The following EDC3 variants were observed in gnomAD, a reference collection of about 807,000 sequenced individuals.
The protein encoded by EDC3 is enhancer of mRNA decapping 3.
A neutral mutation model predicts 41.8 loss-of-function variants in EDC3; 20 were observed. The observed-to-expected ratio is 0.48, with a 90% CI of 0.34 to 0.70. The LOEUF is 0.70. Ranked by LOEUF, EDC3 falls within the 30% of genes least tolerant of loss-of-function variation. The pLI, the probability that EDC3 is intolerant of heterozygous loss-of-function variation, is 0.01. For synonymous variants in EDC3, 206 were observed against 243.2 expected (o/e 0.85, Z 1.42); for missense variants, 444 against 636.8 (o/e 0.70, Z 3.26).
rs192155936 is a variant in EDC3 at position 74,687,569 on chromosome 15, G to T, written c.-19+8311C>A. ...ATTTTTGTATTTTTAGTAGAGATGG[G>T]GTTTCACCATGTTGGCCAGACTGAT... On this transcript the variant is annotated intron_variant, in intron 1 of 6. Transcript: ENST00000315127. Among the ~76,000 whole-genome samples, 428 of 152,164 alleles carry T rather than the reference G, an allele frequency of 2.8e-3. 1 individual carries two copies. Among genetic ancestry groups the T allele is most frequent in the Admixed American group, 5.6e-3 (86 of 15,258 alleles).
At chr15:74,678,715 C>T (rs1480162078) in intron 1 of EDC3, among the ~76,000 whole-genome samples, 1 of 151,656 alleles carries the variant, frequency 6.6e-6, no homozygotes, top group Non-Finnish European at 1.5e-5. Flanking sequence ...CATGGTGAAA[C>T]CCTGCCTCTA....
chr15:74,684,731 C>A (rs2062916433), intron 1 of EDC3, among the ~76,000 whole-genome samples: 1 of 152,030 alleles, frequency 6.6e-6, no homozygotes, highest in Non-Finnish European at 1.5e-5. Context: ...CATAAAAAGT[C>A]CTACTAGAAC....
At chr15:74,664,955 C>T (rs1253716847) in intron 3 of EDC3, among the ~76,000 whole-genome samples, 1 of 152,340 alleles carries the variant, frequency 6.6e-6, no homozygotes, top group Admixed American at 6.5e-5. Context: ...GAAATCAGCA[C>T]TAAACAGAGG....
At chr15:74,643,223 C>G (rs1195177776) in intron 4 of EDC3, 1 of 152,200 alleles carries the variant, frequency 6.6e-6, no homozygotes, top group Non-Finnish European at 1.5e-5. Context: ...CAAACAACAA[C>G]ACTGCCACTG....
intron 6 of EDC3, chr15:74,634,962 C>G (rs2062253432): frequency 2.4e-6 from 1 of 414,884 alleles, no homozygotes. Flanking sequence ...CCATCATGAC[C>G]TGACCCTGAA....
In EDC3 at chr15:74,681,539, T is replaced by C. The variant is rs1181250934; in HGVS notation, c.-18-6397A>G. ...TTATGATAATCAAGACTATATAGTA[T>C]TGGCAGAGGGACAAACATGTAAATC... On this transcript the variant is annotated intron_variant, in intron 1 of 6. Transcript: ENST00000315127. 1.3e-5 allele frequency among the ~76,000 whole-genome samples: 2 copies of C among 152,170 alleles called. 1 individual carries two copies. The highest frequency in any genetic ancestry group is 3.8e-4 in the East Asian group (2 of 5,198).
At chr15:74,672,681 G>T (rs568809650) in intron 2 of EDC3, among the ~76,000 whole-genome samples, 1 of 152,124 alleles carries the variant, frequency 6.6e-6, no homozygotes, top group Admixed American at 6.5e-5. Flanking sequence ...CGGGTGTGGT[G>T]GTACGCACCT....
At chr15:74,691,219 G>T (rs368896753) in intron 1 of EDC3, among the ~76,000 whole-genome samples, 1 of 151,684 alleles carries the variant, frequency 6.6e-6, no homozygotes, top group Non-Finnish European at 1.5e-5. Flanking sequence ...CCAGCACTAC[G>T]ACCTGGGCAA....
At chr15:74,652,486 C>G (rs371632979) in intron 4 of EDC3, among the ~76,000 whole-genome samples, 7 of 152,182 alleles carry the variant, frequency 4.6e-5, no homozygotes, top group Non-Finnish European at 7.3e-5. Flanking sequence ...CCTCAGCCCC[C>G]CAAAGTGCTG....
chr15:74,639,991 T>C (rs890434999), intron 5 of EDC3: 1 of 158,088 alleles, frequency 6.3e-6, no homozygotes, highest in Admixed American at 6.4e-5. Flanking sequence ...TCAGTCTGTC[T>C]ACAAATAAAA....
intron 4 of EDC3, among the ~76,000 whole-genome samples, chr15:74,653,596 T>G (rs1596311222): frequency 6.6e-6 from 1 of 152,194 alleles, no homozygotes; most frequent in South Asian, 2.1e-4. Context: ...CTGCTGGGCT[T>G]CTTTCCCCCT....
Position 74,635,633 on chromosome 15 carries a change from A to G in EDC3, c.975-7T>C. The G allele has an allele frequency of 6.2e-7, 1 of 1,611,018 alleles. No homozygotes were observed. The highest frequency in any genetic ancestry group is 1.1e-5 in the South Asian group (1 of 91,006). On this transcript the variant is annotated splice_polypyrimidine_tract_variant and splice_region_variant and intron_variant, in intron 5 of 6. Coordinates refer to ENST00000315127, the MANE Select transcript of EDC3 (RefSeq NM_025083.5). The stretch of plus-strand genomic sequence containing the variant: ...AACATTTTTGGGATTCAACCTGGAA[A>G]AGAAGGTGAAGAAGCAGTATCAGCT...
intron 3 of EDC3, among the ~76,000 whole-genome samples, chr15:74,667,792 A>C (rs929095100): frequency 6.6e-6 from 1 of 152,148 alleles, no homozygotes; most frequent in African/African-American, 2.4e-5. Flanking sequence ...GAAGAGAGGA[A>C]TCTCTGGCAT....
chr15:74,649,929 A>T (rs370079800), intron 4 of EDC3, among the ~76,000 whole-genome samples: 2 of 151,894 alleles, frequency 1.3e-5, no homozygotes, highest in East Asian at 3.9e-4. Flanking sequence ...TGATAACTTG[A>T]CTTGCTGCCA....
Position 74,655,728 on chromosome 15 carries a change from C to T in EDC3, c.820+5G>A. 1 of 1,598,072 alleles carries T rather than the reference C, an allele frequency of 6.3e-7. No homozygotes were observed. The highest frequency in any genetic ancestry group is 1.3e-5 in the African/African-American group (1 of 74,628). On this transcript the variant is annotated splice_donor_5th_base_variant and intron_variant, in intron 4 of 6. Coordinates refer to ENST00000315127, the MANE Select transcript of EDC3 (RefSeq NM_025083.5). ...CAGCAGGATGTGGGACCTGATGCAA[C>T]TCACCCGTGCAGAACTCCTTGCTCA...
chr15:74,680,972 A>C (rs970407328), intron 1 of EDC3, among the ~76,000 whole-genome samples: 3 of 152,206 alleles, frequency 2.0e-5, no homozygotes, highest in African/African-American at 7.2e-5. Flanking sequence ...GAAAAAATCA[A>C]AATGCTAAAT....
At chr15:74,636,258 A>T (rs2062271617) in intron 5 of EDC3, 1 of 154,264 alleles carries the variant, frequency 6.5e-6, no homozygotes, top group Non-Finnish European at 1.4e-5. Flanking sequence ...GAAGTTAATG[A>T]AAGCAATGCT....
At chr15:74,643,894 G>A (rs1467615595) in intron 4 of EDC3, 2 of 152,186 alleles carry the variant, frequency 1.3e-5, no homozygotes, top group Admixed American at 1.3e-4. Flanking sequence ...TTACAGGCAT[G>A]GGATTTCTCC....
intron 5 of EDC3, chr15:74,637,251 G>C (rs1254896519): frequency 2.6e-5 from 4 of 152,216 alleles, no homozygotes; most frequent in African/African-American, 9.6e-5. Flanking sequence ...TGGACCTTTG[G>C]ATAGTTCAGA....
Sources: allele counts gnomAD v4.1 joint callset (sites outside exome capture counted in the v4.1 genomes callset), GRCh38; gene constraint gnomAD v4.1.1; transcripts MANE v1.5; gene names NCBI Gene and HGNC (gene_info 2026-07-23, HGNC 2026-07-21).